The following BICD1 variants were observed in gnomAD, a reference collection of about 807,000 sequenced individuals.
The protein encoded by BICD1 is BICD cargo adaptor 1, also known as protein bicaudal D homolog 1.
A neutral mutation model predicts 92.5 loss-of-function variants in BICD1; 35 were observed. That is an observed-to-expected ratio of 0.38 (90% CI 0.29 to 0.50). The LOEUF (loss-of-function observed/expected upper bound fraction) is 0.50, where lower values mean the gene tolerates loss of function less well. BICD1 is among the 20% of genes least tolerant of loss of function. BICD1 has a pLI of 0.93. For synonymous variants in BICD1, 429 were observed against 465.1 expected, an observed-to-expected ratio of 0.92 and a Z score of 1.00; for missense variants, 950 against 1,189.8, an observed-to-expected ratio of 0.80 and a Z score of 2.97.
intron 1 of BICD1, among the ~76,000 whole-genome samples, chr12:32,171,794 C>T (rs910078123): frequency 3.3e-5 from 5 of 152,100 alleles, no homozygotes; most frequent in Admixed American, 2.6e-4. Flanking sequence ...ATTAGCTGGG[C>T]ATGGTGGCGT....
chr12:32,267,543 A>G (rs924031004), intron 2 of BICD1, among the ~76,000 whole-genome samples: 1 of 152,198 alleles, frequency 6.6e-6, no homozygotes, highest in Non-Finnish European at 1.5e-5. Context: ...CTTTTCATTT[A>G]CTTTATTGTA....
Position 32,338,980 on chromosome 12 carries a change from G to A in BICD1, c.2764+1G>A, listed in dbSNP as rs780684968. 9 of 1,586,348 alleles carry A rather than the reference G, an allele frequency of 5.7e-6. No homozygotes were observed. The highest frequency in any genetic ancestry group is 7.7e-6 in the Non-Finnish European group (9 of 1,170,656). On this transcript the variant is annotated splice_donor_variant, in intron 8 of 9. Transcript: ENST00000652176. LOFTEE classifies it high-confidence loss of function. Reference sequence around the variant, plus strand: ...AAAAGGTTAACCGTGGCTCCACCAGGTAAACATTTTTTCCTTGGGTGCATG... The same window carrying A: ...AAAAGGTTAACCGTGGCTCCACCAGATAAACATTTTTTCCTTGGGTGCATG...
At chr12:32,327,110 A>G (rs1376055902) in intron 4 of BICD1, among the ~76,000 whole-genome samples, 4 of 152,212 alleles carry the variant, frequency 2.6e-5, no homozygotes, top group Non-Finnish European at 5.9e-5. Context: ...CACTCAAAAT[A>G]AAAATAACAC....
rs1940247425 is a variant in BICD1 at position 32,383,256 on chromosome 12, T to C, written c.*5629T>C. The C allele has an allele frequency of 6.6e-6, 1 of 152,192 alleles. No homozygotes were observed. The highest frequency in any genetic ancestry group is 6.5e-5 in the Admixed American group (1 of 15,280). The allele number at this position is 152,192 out of a possible 1,614,324, so 9.4% of individuals were successfully genotyped here. ...TGTTTCCACCTACTGATAAATACCA[T>C]ATGAAAACACGACTAAAAGACTGAT... is the stretch of plus-strand genomic sequence containing the variant. On this transcript the variant is annotated 3_prime_UTR_variant, in exon 10 of 10. Transcript: ENST00000652176.
At chr12:32,342,940 G>C (rs1252172608) in intron 8 of BICD1, among the ~76,000 whole-genome samples, 10 of 152,192 alleles carry the variant, frequency 6.6e-5, no homozygotes, top group Non-Finnish European at 7.3e-5. Flanking sequence ...TGATCGGTTT[G>C]CTGCATTAGT....
At chr12:32,155,590 A>G (rs1468631005) in intron 1 of BICD1, among the ~76,000 whole-genome samples, 1 of 152,262 alleles carries the variant, frequency 6.6e-6, no homozygotes, top group Non-Finnish European at 1.5e-5. Flanking sequence ...TGTAAAATAC[A>G]AAGAGATCGC....
chr12:32,363,683 ATTAG>A (rs931218168), intron 8 of BICD1, among the ~76,000 whole-genome samples: 2 of 152,174 alleles, frequency 1.3e-5, no homozygotes, highest in Admixed American at 6.6e-5. Flanking sequence ...GTTATGTTTG[ATTAG>A]TTAGATTCAG....
chr12:32,254,250 T>TGCCATATTCACTGCCGTATCCCACC (rs1946658336), intron 2 of BICD1, among the ~76,000 whole-genome samples: 4 of 136,622 alleles, frequency 2.9e-5, no homozygotes, highest in East Asian at 5.1e-4. Flanking sequence ...CATATCCCAC[T>TGCCATATTCACTGCCGTATCCCACC]TGCCATATTC....
intron 2 of BICD1, among the ~76,000 whole-genome samples, chr12:32,258,496 CAA>C (rs1946774921): frequency 1.3e-5 from 2 of 152,058 alleles, no homozygotes; most frequent in East Asian, 1.9e-4. Flanking sequence ...AGACACAAGA[CAA>C]AGAGATAAAG....
At position 32,212,186 on chromosome 12, in the gene BICD1, T is replaced by C. The variant is rs758592283; in HGVS notation, c.214-4061T>C. On this transcript the variant is annotated intron_variant, in intron 1 of 9. Transcript: ENST00000652176. ...TGTCAAGATTCTAAGGCAGTTTAAC[T>C]AAGACATGGGTTTTCAGTGTTTTTT... 1.0e-3 allele frequency among the ~76,000 whole-genome samples: 151 copies of C among 150,302 alleles called. No individual in the cohort carries two copies. In the Admixed American group the frequency reaches 0.01, roughly 10 times the overall value.
chr12:32,362,258 G>A (rs562786282), intron 8 of BICD1, among the ~76,000 whole-genome samples: 2 of 152,358 alleles, frequency 1.3e-5, no homozygotes, highest in South Asian at 4.1e-4. Flanking sequence ...TACTTGGGAG[G>A]CTGAGGCAGG....
At chr12:32,110,295 A>G (rs1161139922) in intron 1 of BICD1, among the ~76,000 whole-genome samples, 1 of 152,034 alleles carries the variant, frequency 6.6e-6, no homozygotes, top group African/African-American at 2.4e-5. Context: ...TTTCCTAGTT[A>G]TTTCTTCCCT....
intron 1 of BICD1, among the ~76,000 whole-genome samples, chr12:32,178,436 C>T (rs575229577): frequency 1.8e-4 from 27 of 151,930 alleles, no homozygotes; most frequent in Non-Finnish European, 2.9e-4. Context: ...TACATAGGCT[C>T]GGTGCCTACC....
intron 4 of BICD1, among the ~76,000 whole-genome samples, chr12:32,321,278 A>G (rs1473943080): frequency 2.6e-5 from 4 of 152,174 alleles, no homozygotes; most frequent in Non-Finnish European, 5.9e-5. Flanking sequence ...GTGATCCAAG[A>G]TCACACCACT....
intron 1 of BICD1, among the ~76,000 whole-genome samples, chr12:32,167,415 A>G (rs569877787): frequency 5.3e-5 from 8 of 152,260 alleles, no homozygotes; most frequent in African/African-American, 1.7e-4. Context: ...TTCTTTTTCT[A>G]TGAGCACATA....
intron 3 of BICD1, among the ~76,000 whole-genome samples, chr12:32,295,602 A>T (rs545145470): frequency 6.6e-6 from 1 of 152,174 alleles, no homozygotes; most frequent in South Asian, 2.1e-4. Flanking sequence ...GAGGGAAAAG[A>T]AAAAAAATCC....
chr12:32,350,231 C>T (rs1472842887), intron 8 of BICD1, among the ~76,000 whole-genome samples: 2 of 152,110 alleles, frequency 1.3e-5, no homozygotes, highest in East Asian at 1.9e-4. Flanking sequence ...GCCTGTAATC[C>T]CCGCACTTTG....
chr12:32,294,525 G>A (rs978099969), intron 3 of BICD1, among the ~76,000 whole-genome samples: 1 of 151,240 alleles, frequency 6.6e-6, no homozygotes, highest in Non-Finnish European at 1.5e-5. Context: ...GGAGGCTGAG[G>A]CAGGAGAATC....
intron 1 of BICD1, among the ~76,000 whole-genome samples, chr12:32,188,246 A>G (rs1308786457): frequency 6.6e-6 from 1 of 152,080 alleles, no homozygotes; most frequent in East Asian, 1.9e-4. Context: ...CCAACTATAA[A>G]TGCAATTTTA....
Sources: allele counts gnomAD v4.1 joint callset (sites outside exome capture counted in the v4.1 genomes callset), GRCh38; gene constraint gnomAD v4.1.1; transcripts MANE v1.5; gene names NCBI Gene and HGNC (gene_info 2026-07-23, HGNC 2026-07-21).